The following DPH6 variants were observed in gnomAD, a reference collection of about 807,000 sequenced individuals.
DPH6 encodes the protein diphthamine biosynthesis 6.
Under a neutral mutation model 38.2 loss-of-function variants are expected in DPH6, and 33 were observed. The ratio of observed to expected loss-of-function variants is 0.86; its 90% confidence interval spans 0.65 to 1.15. DPH6 has a LOEUF of 1.15. Among genes scored for constraint, DPH6 ranks in the 50% most tolerant of loss-of-function variants. The probability of loss-of-function intolerance (pLI) is 0.00; values close to 1 mark genes in which losing one functional copy is unlikely to be tolerated. For synonymous variants in DPH6, 108 were observed against 103.0 expected, an observed-to-expected ratio of 1.05 and a Z score of -0.30; for missense variants, 325 against 320.0, an observed-to-expected ratio of 1.02 and a Z score of -0.12.
At chr15:35,475,299 T>C (rs2054250924) in intron 3 of DPH6, among the ~76,000 whole-genome samples, 1 of 152,054 alleles carries the variant, frequency 6.6e-6, no homozygotes, top group African/African-American at 2.4e-5. Flanking sequence ...ACATATCAAC[T>C]GTAAGGCAGA....
chr15:35,182,269 A>G, the DPH6 span, among the ~76,000 whole-genome samples: 1 of 141,690 alleles, frequency 7.1e-6, no homozygotes, highest in South Asian at 2.2e-4. Context: ...TTTTAAGGCC[A>G]AAAACCCTGA....
intron 6 of DPH6, among the ~76,000 whole-genome samples, chr15:35,386,623 T>C (rs535728448): frequency 6.6e-6 from 1 of 152,218 alleles, no homozygotes; most frequent in African/African-American, 2.4e-5. Context: ...TCATGTGTTT[T>C]TTGACTGCAT....
At chr15:35,276,090 C>A (rs1261525772) in intron 3 of DPH6, among the ~76,000 whole-genome samples, 1 of 152,206 alleles carries the variant, frequency 6.6e-6, no homozygotes, top group East Asian at 1.9e-4. Flanking sequence ...TTCCTGTTCA[C>A]CACATCCATG....
chr15:35,342,336 G>A (rs554550604), intron 3 of DPH6, among the ~76,000 whole-genome samples: 1 of 152,324 alleles, frequency 6.6e-6, no homozygotes, highest in South Asian at 2.1e-4. Context: ...TGATCTATGG[G>A]TTGCAAAGAT....
chr15:35,298,973 TTC>T, intron 3 of DPH6: 3 of 761,600 alleles, frequency 3.9e-6, no homozygotes, highest in African/African-American at 1.7e-5. Context: ...GCTCCTAATC[TTC>T]ATCTTCATCA....
intron 3 of DPH6, among the ~76,000 whole-genome samples, chr15:35,307,509 A>T (rs1407614975): frequency 6.6e-6 from 1 of 152,152 alleles, no homozygotes; most frequent in Non-Finnish European, 1.5e-5. Context: ...GTTTTTCCTG[A>T]GGAAAAACAA....
the DPH6 span, among the ~76,000 whole-genome samples, chr15:35,202,754 G>C: frequency 2.6e-5 from 4 of 151,730 alleles, no homozygotes; most frequent in African/African-American, 9.7e-5. Flanking sequence ...ATTTTTAAAT[G>C]CGTTTTCAGT....
intron 6 of DPH6, among the ~76,000 whole-genome samples, chr15:35,391,280 T>C (rs2053053017): frequency 6.6e-6 from 1 of 152,194 alleles, no homozygotes; most frequent in Non-Finnish European, 1.5e-5. Flanking sequence ...GTTAGGCTAC[T>C]TGGGGGTCAG....
chr15:35,288,513 T>C (rs145466040), intron 3 of DPH6, among the ~76,000 whole-genome samples: 23 of 152,290 alleles, frequency 1.5e-4, no homozygotes, highest in African/African-American at 5.1e-4. Context: ...ATGACCCTAC[T>C]TTCTCTACCT....
At chr15:35,236,037 T>A (rs1024908833) in intron 3 of DPH6, among the ~76,000 whole-genome samples, 3 of 152,210 alleles carry the variant, frequency 2.0e-5, no homozygotes, top group African/African-American at 7.2e-5. Flanking sequence ...AGCTTTCTAA[T>A]CAAGTATTTA....
At chr15:35,260,140 G>C (rs150247313) in intron 3 of DPH6, among the ~76,000 whole-genome samples, 1 of 152,182 alleles carries the variant, frequency 6.6e-6, no homozygotes, top group Non-Finnish European at 1.5e-5. Flanking sequence ...ACAGAGTCTT[G>C]CTCTGTCGCC....
intron 3 of DPH6, among the ~76,000 whole-genome samples, chr15:35,479,789 A>G (rs1902879850): frequency 6.6e-6 from 1 of 152,074 alleles, no homozygotes; most frequent in Admixed American, 6.6e-5. Flanking sequence ...CTTCAAATCT[A>G]TGCAAGACTG....
chr15:35,544,448 C>G (rs1179468973), intron 1 of DPH6, among the ~76,000 whole-genome samples: 2 of 151,598 alleles, frequency 1.3e-5, no homozygotes, highest in Non-Finnish European at 2.9e-5. Flanking sequence ...ACATGTATAC[C>G]TATGTAAAAA....
At chr15:35,417,741 T>C (rs1007588601) in intron 5 of DPH6, among the ~76,000 whole-genome samples, 5 of 152,092 alleles carry the variant, frequency 3.3e-5, no homozygotes, top group Non-Finnish European at 4.4e-5. Context: ...CCATCTTACA[T>C]ATCCATTCCA....
chr15:35,411,372 C>G (rs1402233014), intron 5 of DPH6, among the ~76,000 whole-genome samples: 1 of 151,684 alleles, frequency 6.6e-6, no homozygotes, highest in Non-Finnish European at 1.5e-5. Flanking sequence ...GTAATTAATT[C>G]ACTTAACAGT....
chr15:35,432,463 A>G (rs1237256188), intron 5 of DPH6, among the ~76,000 whole-genome samples: 1 of 152,194 alleles, frequency 6.6e-6, no homozygotes, highest in Non-Finnish European at 1.5e-5. Context: ...AAAAGAAAGA[A>G]GAGCTTTATT....
chr15:35,314,228 G>A (rs2052168417), intron 3 of DPH6, among the ~76,000 whole-genome samples: 1 of 152,110 alleles, frequency 6.6e-6, no homozygotes, highest in Admixed American at 6.6e-5. Context: ...ATGTAAGTTG[G>A]TGCAAAAGTA....
At chr15:35,500,028 G>A (rs2141193234) in intron 3 of DPH6, among the ~76,000 whole-genome samples, 1 of 152,210 alleles carries the variant, frequency 6.6e-6, no homozygotes, top group African/African-American at 2.4e-5. Flanking sequence ...GGTAAGAGGT[G>A]CAGCTTATGA....
At chr15:35,420,771 T>A (rs930041032) in intron 5 of DPH6, among the ~76,000 whole-genome samples, 1 of 152,064 alleles carries the variant, frequency 6.6e-6, no homozygotes, top group African/African-American at 2.4e-5. Context: ...AGCCTCAGCC[T>A]CCCAAAGTGC....
Sources: gnomAD v4.1 joint callset for allele counts (sites outside exome capture counted in the v4.1 genomes callset) on GRCh38, gnomAD v4.1.1 for gene constraint, MANE v1.5 for transcripts, NCBI Gene and HGNC (gene_info 2026-07-23, HGNC 2026-07-21) for gene names.